The following FOXP2 variants were observed in gnomAD, a reference collection of about 807,000 sequenced individuals.
FOXP2 encodes forkhead box protein P2.
A neutral mutation model predicts 115.8 loss-of-function variants in FOXP2; 12 were observed. That is an observed-to-expected ratio of 0.10 (90% CI 0.07 to 0.17). FOXP2 has a LOEUF of 0.17. Among genes scored for constraint, FOXP2 ranks in the 10% least tolerant of loss-of-function variants. The pLI is 1.00. For missense variants in FOXP2, 629 were observed against 843.5 expected (o/e 0.75, Z 3.15); for synonymous variants, 328 against 297.7 (o/e 1.10, Z -1.05).
intron 2 of FOXP2, among the ~76,000 whole-genome samples, chr7:114,483,504 T>A (rs1477701448): frequency 6.6e-6 from 1 of 151,728 alleles, no homozygotes; most frequent in Non-Finnish European, 1.5e-5. Flanking sequence ...TAGTACCCAA[T>A]GTCAGGTATT....
At chr7:114,281,467 C>A (rs1049028044) in intron 1 of FOXP2, among the ~76,000 whole-genome samples, 7 of 151,964 alleles carry the variant, frequency 4.6e-5, no homozygotes, top group Non-Finnish European at 1.0e-4. Context: ...TTAAACAGTT[C>A]CATCAGGGAG....
chr7:114,530,604 A>C (rs1410310517), intron 2 of FOXP2, among the ~76,000 whole-genome samples: 1 of 151,852 alleles, frequency 6.6e-6, no homozygotes, highest in Non-Finnish European at 1.5e-5. Flanking sequence ...AACTATTCTC[A>C]AGTAATTTTA....
At chr7:114,427,397 TA>T (rs761002807) in intron 2 of FOXP2, among the ~76,000 whole-genome samples, 5,746 of 140,212 alleles carry the variant, frequency 0.041, 268 homozygotes, top group African/African-American at 0.12. Context: ...CCTGATTTTG[TA>T]AAAAAAAAAA....
At chr7:114,660,457 A>C (rs1366837813) in intron 13 of FOXP2, among the ~76,000 whole-genome samples, 2 of 152,190 alleles carry the variant, frequency 1.3e-5, no homozygotes, top group Non-Finnish European at 2.9e-5. Context: ...GCAGCAAAGC[A>C]CTCATCAGCA....
At chr7:114,160,782 CTGTG>C (rs34540150), upstream of FOXP2, among the ~76,000 whole-genome samples, 24 of 147,362 alleles carry the variant, frequency 1.6e-4, no homozygotes, top group Admixed American at 8.2e-4. Context: ...AGTATATTTT[CTGTG>C]TGTGTGTGTG....
chr7:114,388,045 A>G (rs1428896457), intron 2 of FOXP2, among the ~76,000 whole-genome samples: 1 of 152,192 alleles, frequency 6.6e-6, no homozygotes, highest in Non-Finnish European at 1.5e-5. Flanking sequence ...TTGACAGAGA[A>G]AGGTGCAAGA....
rs185110967 is a variant in FOXP2 at position 114,682,363 on chromosome 7, C to T, written c.2004-7419C>T. Among the ~76,000 whole-genome samples, 40 of 152,168 alleles carry T rather than the reference C, an allele frequency of 2.6e-4. No individual in the cohort carries two copies. The East Asian group carries it at 7.5e-3, about 29-fold the overall frequency. ...AATACTAAATACATAAAATGCATCA[C>T]GGTAAATTATATTCTTATAATTAAA... is the stretch of plus-strand genomic sequence containing the variant. On this transcript the variant is annotated intron_variant, in intron 16 of 16. Coordinates refer to ENST00000350908, the MANE Select transcript of FOXP2 (RefSeq NM_014491.4).
intron 1 of FOXP2, among the ~76,000 whole-genome samples, chr7:114,197,405 G>C (rs1793941456): frequency 6.6e-6 from 1 of 152,170 alleles, no homozygotes; most frequent in Non-Finnish European, 1.5e-5. Flanking sequence ...CTGAGGGAGA[G>C]AGAGAAATAA....
intron 2 of FOXP2, among the ~76,000 whole-genome samples, chr7:114,479,663 A>G (rs1183798729): frequency 1.3e-5 from 2 of 151,600 alleles, no homozygotes; most frequent in Non-Finnish European, 3.0e-5. Flanking sequence ...GTGTGTTTTA[A>G]AAATTTAATT....
chr7:114,460,162 C>T (rs1209337656), intron 2 of FOXP2, among the ~76,000 whole-genome samples: 2 of 152,000 alleles, frequency 1.3e-5, no homozygotes, highest in African/African-American at 4.8e-5. Flanking sequence ...ATTTATTGAG[C>T]TCCTGCGAGG....
chr7:114,308,449 T>G (rs975615666), intron 2 of FOXP2, among the ~76,000 whole-genome samples: 1 of 152,090 alleles, frequency 6.6e-6, no homozygotes, highest in Admixed American at 6.6e-5. Flanking sequence ...GAATCCTAAA[T>G]TTTCAAAACA....
chr7:114,576,726 C>G (rs957872111), intron 3 of FOXP2, among the ~76,000 whole-genome samples: 1 of 151,858 alleles, frequency 6.6e-6, no homozygotes, highest in African/African-American at 2.4e-5. Context: ...TAGTGATAGT[C>G]TCTACAAATA....
chr7:114,581,474 C>T (rs1195308203), intron 3 of FOXP2, among the ~76,000 whole-genome samples: 3 of 152,016 alleles, frequency 2.0e-5, no homozygotes, highest in African/African-American at 7.2e-5. Flanking sequence ...TTTTGTGTGT[C>T]AGATTAGTTT....
intron 1 of FOXP2, among the ~76,000 whole-genome samples, chr7:114,247,264 C>G (rs959770374): frequency 6.6e-5 from 10 of 152,124 alleles, no homozygotes; most frequent in Non-Finnish European, 1.2e-4. Context: ...AAATCTATAA[C>G]CCAGAACTTT....
At chr7:114,393,535 T>A (rs958736969) in intron 2 of FOXP2, among the ~76,000 whole-genome samples, 1 of 151,914 alleles carries the variant, frequency 6.6e-6, no homozygotes, top group African/African-American at 2.4e-5. Flanking sequence ...AGAGCCGGAG[T>A]AGGCTGAAGG....
At chr7:114,161,670 G>T (rs1447692901), upstream of FOXP2, among the ~76,000 whole-genome samples, 2 of 150,292 alleles carry the variant, frequency 1.3e-5, no homozygotes, top group Non-Finnish European at 2.9e-5. Flanking sequence ...ATATAATTTT[G>T]CTTTAAATGT....
intron 1 of FOXP2, among the ~76,000 whole-genome samples, chr7:114,142,079 A>G (rs1302859665): frequency 4.6e-5 from 7 of 152,008 alleles, no homozygotes; most frequent in African/African-American, 1.5e-4. Context: ...CTGGAGTGCA[A>G]TTGCAGGATC....
rs35518337 is a variant in FOXP2, at chr7:114,663,562, C to CT, written c.1839+58dup. Reference sequence around the variant, plus strand: ...TTTTGTTGTATTTGAATGTTTAGGGCTTTTTTTTTTTTTTTGGCATGTCTT... The same window carrying CT: ...TTTTGTTGTATTTGAATGTTTAGGGCTTTTTTTTTTTTTTTTGGCATGTCTT... On this transcript the variant is annotated intron_variant, in intron 15 of 16. Coordinates refer to ENST00000350908, the MANE Select transcript of FOXP2 (RefSeq NM_014491.4). The CT allele has an allele frequency of 8.4e-3, 8,711 of 1,040,114 alleles. 1 individual carries two copies. Among genetic ancestry groups the CT allele is most frequent in the East Asian group, 0.026 (1,025 of 39,762 alleles). 64.4% of individuals were successfully genotyped at this position (1,040,114 alleles called of 1,614,324 possible).
At chr7:114,148,310 A>C (rs1792433530) in intron 1 of FOXP2, among the ~76,000 whole-genome samples, 1 of 152,010 alleles carries the variant, frequency 6.6e-6, no homozygotes, top group African/African-American at 2.4e-5. Context: ...AATTTGCTTT[A>C]CTCTGCAACA....
Sources: gnomAD v4.1 joint callset for allele counts (sites outside exome capture counted in the v4.1 genomes callset) on GRCh38, gnomAD v4.1.1 for gene constraint, MANE v1.5 for transcripts, NCBI Gene and HGNC (gene_info 2026-07-23, HGNC 2026-07-21) for gene names.